Variants in PCDH9 observed in about 807,000 individuals in gnomAD.
The protein encoded by PCDH9 is protocadherin 9.
Under a neutral mutation model 70.6 loss-of-function variants are expected in PCDH9, and 24 were observed. The observed-to-expected ratio is 0.34, with a 90% CI of 0.25 to 0.48. PCDH9 has a LOEUF of 0.48. Among genes scored for constraint, PCDH9 ranks in the 20% least tolerant of loss-of-function variants. PCDH9 has a pLI of 0.99. For missense variants in PCDH9, 1,281 were observed against 1,503.6 expected (o/e 0.85, Z 2.45); for synonymous variants, 562 against 558.5 (o/e 1.01, Z -0.09).
chr13:66,871,176 G>T (rs1215462512), intron 3 of PCDH9, among the ~76,000 whole-genome samples: 2 of 150,696 alleles, frequency 1.3e-5, no homozygotes, highest in Non-Finnish European at 3.0e-5. Flanking sequence ...CTCATAGGTG[G>T]GAATTGAACA....
chr13:66,795,212 A>G (rs1425520288), intron 3 of PCDH9, among the ~76,000 whole-genome samples: 1 of 152,160 alleles, frequency 6.6e-6, no homozygotes, highest in Non-Finnish European at 1.5e-5. Context: ...TATTTGCATT[A>G]TATACTGACT....
intron 4 of PCDH9, among the ~76,000 whole-genome samples, chr13:66,405,055 G>T (rs1193961190): frequency 1.3e-5 from 2 of 151,984 alleles, no homozygotes; most frequent in Non-Finnish European, 2.9e-5. Flanking sequence ...GCTGACATTT[G>T]CATTTAAGCA....
chr13:66,693,617 T>G (rs2078518650), intron 3 of PCDH9, among the ~76,000 whole-genome samples: 1 of 152,168 alleles, frequency 6.6e-6, no homozygotes, highest in Admixed American at 6.5e-5. Flanking sequence ...TCCCTAGAAT[T>G]TTGTCAGCTG....
intron 2 of PCDH9, among the ~76,000 whole-genome samples, chr13:67,092,661 A>G (rs756755001): frequency 5.3e-5 from 8 of 152,176 alleles, no homozygotes; most frequent in Non-Finnish European, 1.0e-4. Flanking sequence ...TGTTTGCTAA[A>G]GTTGTCATCT....
intron 4 of PCDH9, among the ~76,000 whole-genome samples, chr13:66,627,550 A>G (rs1463648906): frequency 6.6e-6 from 1 of 152,222 alleles, no homozygotes; most frequent in Non-Finnish European, 1.5e-5. Flanking sequence ...TGTCCCATTA[A>G]ACATCAAGAG....
Position 66,504,913 on chromosome 13 carries a change from C to T in PCDH9, c.3340+126297G>A, listed in dbSNP as rs150703088. On this transcript the variant is annotated intron_variant, in intron 4 of 4. Coordinates refer to ENST00000377865, the MANE Select transcript of PCDH9 (RefSeq NM_203487.3). The stretch of plus-strand genomic sequence containing the variant: ...CACACTCCTCAATGGCTACTAGTTG[C>T]TACCACATAAATTCAAACTCCTTAC... Among the ~76,000 whole-genome samples the T allele has an allele frequency of 9.4e-4, 143 of 152,284 alleles. 1 individual carries two copies. The highest frequency in any genetic ancestry group is 3.3e-3 in the African/African-American group (137 of 41,562).
At chr13:66,784,929 T>C (rs796374743) in intron 3 of PCDH9, among the ~76,000 whole-genome samples, 2 of 152,244 alleles carry the variant, frequency 1.3e-5, no homozygotes, top group African/African-American at 4.8e-5. Flanking sequence ...GCCTCTGTCT[T>C]ATTTTTTTTA....
At chr13:66,531,631 G>C (rs1384349839) in intron 4 of PCDH9, among the ~76,000 whole-genome samples, 1 of 152,056 alleles carries the variant, frequency 6.6e-6, no homozygotes, top group South Asian at 2.1e-4. Context: ...ATTATGCTTT[G>C]AACTACGCTT....
intron 2 of PCDH9, chr13:66,985,531 A>C (rs1208605773): frequency 1.3e-5 from 2 of 151,984 alleles, no homozygotes; most frequent in Admixed American, 6.6e-5. Flanking sequence ...CAAGCTTGGA[A>C]TTGTCTTTTT....
chr13:66,730,876 G>GTGTGTTTTTTTTTTTTTTTTTTTTT (rs1555262846), intron 3 of PCDH9, among the ~76,000 whole-genome samples: 3 of 46,358 alleles, frequency 6.5e-5, no homozygotes, highest in African/African-American at 2.3e-4. Flanking sequence ...GTGTGTGTGT[G>GTGTGTTTTTTTTTTTTTTTTTTTTT]TTTTTTTTTT....
At chr13:66,376,662 A>G (rs1333552542) in intron 4 of PCDH9, among the ~76,000 whole-genome samples, 1 of 152,264 alleles carries the variant, frequency 6.6e-6, no homozygotes, top group African/African-American at 2.4e-5. Context: ...GAAGGGAAAT[A>G]TCATAAAAAT....
intron 2 of PCDH9, among the ~76,000 whole-genome samples, chr13:66,973,506 G>A (rs1030515769): frequency 6.6e-6 from 1 of 151,930 alleles, no homozygotes; most frequent in African/African-American, 2.4e-5. Flanking sequence ...AAAAGGAAGA[G>A]GTGACAGAAT....
chr13:66,517,658 A>G lies in PCDH9; in HGVS notation c.3340+113552T>C, dbSNP rs1411207025. Among the ~76,000 whole-genome samples, 4 of 152,102 alleles carry G rather than the reference A, an allele frequency of 2.6e-5. No individual in the cohort carries two copies. The East Asian group carries it at 7.7e-4, about 29-fold the overall frequency. The stretch of plus-strand genomic sequence containing the variant: ...TAAGATAATGAAAACTTCTCAATCC[A>G]TTGCCTATCCCTTCTAAACTTGGCC... On this transcript the variant is annotated intron_variant, in intron 4 of 4. Coordinates refer to ENST00000377865, the MANE Select transcript of PCDH9 (RefSeq NM_203487.3).
At chr13:67,201,619 T>G (rs1483302714) in intron 2 of PCDH9, 1 of 152,042 alleles carries the variant, frequency 6.6e-6, no homozygotes, top group East Asian at 1.9e-4. Flanking sequence ...ATGTATCACC[T>G]AGTTCTTGAG....
chr13:66,968,762 T>G (rs898614028), intron 2 of PCDH9, among the ~76,000 whole-genome samples: 26 of 152,040 alleles, frequency 1.7e-4, no homozygotes, highest in Admixed American at 1.7e-3. Flanking sequence ...TAAGATGATA[T>G]CCACATATTA....
At chr13:66,764,071 T>C (rs1264856234) in intron 3 of PCDH9, among the ~76,000 whole-genome samples, 1 of 152,042 alleles carries the variant, frequency 6.6e-6, no homozygotes, top group African/African-American at 2.4e-5. Context: ...AGTGCTGGTA[T>C]TTCAGGTGTG....
chr13:66,412,007 T>A (rs907333312), intron 4 of PCDH9, among the ~76,000 whole-genome samples: 1 of 152,186 alleles, frequency 6.6e-6, no homozygotes, highest in African/African-American at 2.4e-5. Flanking sequence ...ATGATCTACA[T>A]TGGGAACATA....
At chr13:66,357,276 T>C (rs1229385205) in intron 4 of PCDH9, among the ~76,000 whole-genome samples, 1 of 151,868 alleles carries the variant, frequency 6.6e-6, no homozygotes, top group African/African-American at 2.4e-5. Context: ...TCAGGAGGCG[T>C]GGAGAAAACT....
At chr13:67,029,038 T>A (rs991858657) in intron 2 of PCDH9, among the ~76,000 whole-genome samples, 2 of 152,104 alleles carry the variant, frequency 1.3e-5, no homozygotes, top group Non-Finnish European at 2.9e-5. Context: ...CTTTATTTAA[T>A]CAGTAACTTA....
Sources: gnomAD v4.1 joint callset for allele counts (sites outside exome capture counted in the v4.1 genomes callset) on GRCh38, gnomAD v4.1.1 for gene constraint, MANE v1.5 for transcripts, NCBI Gene and HGNC (gene_info 2026-07-23, HGNC 2026-07-21) for gene names.